Variants in MPHOSPH9 observed in about 807,000 individuals in gnomAD.
The protein encoded by MPHOSPH9 is M-phase phosphoprotein 9.
Under a neutral mutation model 145.5 loss-of-function variants are expected in MPHOSPH9, and 88 were observed. That is an observed-to-expected ratio of 0.60 (90% confidence interval 0.51 to 0.72). MPHOSPH9 has a LOEUF of 0.72. Ranked by LOEUF, MPHOSPH9 falls within the 30% of genes least tolerant of loss-of-function variation. The probability of loss-of-function intolerance (pLI) is 0.00; values close to 1 mark genes in which losing one functional copy is unlikely to be tolerated. For synonymous variants in MPHOSPH9, 435 were observed against 486.2 expected, an observed-to-expected ratio of 0.89 and a Z score of 1.39; for missense variants, 1,238 against 1,386.6, an observed-to-expected ratio of 0.89 and a Z score of 1.70.
At chr12:123,208,792 A>G (rs2046563994) in intron 8 of MPHOSPH9, among the ~76,000 whole-genome samples, 1 of 151,888 alleles carries the variant, frequency 6.6e-6, no homozygotes, top group South Asian at 2.1e-4. Flanking sequence ...CACAGGCTAG[A>G]GTGCAATGGT....
At chr12:123,206,531 T>G (rs7135252) in intron 8 of MPHOSPH9, among the ~76,000 whole-genome samples, 1 of 150,110 alleles carries the variant, frequency 6.7e-6, no homozygotes, top group African/African-American at 2.5e-5. Context: ...AGAGAAGAGA[T>G]GAGAAGAGAA....
chr12:123,199,552 C>T (rs184581621), intron 11 of MPHOSPH9, among the ~76,000 whole-genome samples: 46 of 151,862 alleles, frequency 3.0e-4, no homozygotes, highest in African/African-American at 9.6e-4. Flanking sequence ...AGGCCGAGGC[C>T]GGTGGATCAC....
In MPHOSPH9 at chr12:123,219,031, T is replaced by C. The variant is rs139693284; in HGVS notation, c.873-532A>G. Among the ~76,000 whole-genome samples, 607 of 151,942 alleles carry C rather than the reference T, an allele frequency of 4.0e-3. 8 individuals carry two copies. The highest frequency in any genetic ancestry group is 0.036 in the East Asian group (182 of 5,112). ...GATCCTCCCACCTCAGCCTCCCTAGTAGATGGGACCACAGGTGGCCACCAC... is the reference window on the plus strand; with the variant it reads ...GATCCTCCCACCTCAGCCTCCCTAGCAGATGGGACCACAGGTGGCCACCAC... On this transcript the variant is annotated intron_variant, in intron 5 of 23. Transcript: ENST00000606320.
At chr12:123,175,295 C>T (rs959871609) in intron 16 of MPHOSPH9, among the ~76,000 whole-genome samples, 7 of 152,056 alleles carry the variant, frequency 4.6e-5, no homozygotes, top group Non-Finnish European at 7.4e-5. Context: ...GGACTACAGG[C>T]GCCAGCCACC....
intron 13 of MPHOSPH9, among the ~76,000 whole-genome samples, chr12:123,185,598 C>T (rs2045407565): frequency 6.6e-6 from 1 of 151,908 alleles, no homozygotes; most frequent in Admixed American, 6.6e-5. Flanking sequence ...TAAAATTAGC[C>T]AGGTGTGATA....
intron 23 of MPHOSPH9, among the ~76,000 whole-genome samples, chr12:123,158,020 C>A (rs1363415746): frequency 1.3e-5 from 2 of 151,404 alleles, no homozygotes; most frequent in African/African-American, 4.9e-5. Context: ...GACGGAGTCT[C>A]GCTCTGTTGC....
At chr12:123,231,232 G>C (rs955707357) in intron 1 of MPHOSPH9, among the ~76,000 whole-genome samples, 1 of 152,006 alleles carries the variant, frequency 6.6e-6, no homozygotes, top group Admixed American at 6.6e-5. Context: ...TCAGCCTCCC[G>C]AGCAGCTGGG....
At chr12:123,177,917 A>G (rs564071315) in intron 15 of MPHOSPH9, among the ~76,000 whole-genome samples, 1 of 152,286 alleles carries the variant, frequency 6.6e-6, no homozygotes, top group South Asian at 2.1e-4. Context: ...ATTGCAAACA[A>G]CCTATAGGTA....
chr12:123,165,757 C>T (rs545009202), intron 17 of MPHOSPH9, among the ~76,000 whole-genome samples: 5 of 152,266 alleles, frequency 3.3e-5, no homozygotes, highest in African/African-American at 9.6e-5. Context: ...GAAGAGGGCC[C>T]TCACCAAACA....
At chr12:123,157,639 C>A (rs879340707) in intron 23 of MPHOSPH9, among the ~76,000 whole-genome samples, 15 of 152,046 alleles carry the variant, frequency 9.9e-5, no homozygotes, top group Non-Finnish European at 1.8e-4. Flanking sequence ...CACCACCACA[C>A]CTGGCTGATT....
At chr12:123,160,906 G>C (rs1017872658) in intron 22 of MPHOSPH9, 57 bp from the exon 23 acceptor site, 74 of 1,553,056 alleles carry the variant, frequency 4.8e-5, no homozygotes, top group Non-Finnish European at 5.8e-5. Context: ...TTATCACACA[G>C]AATGGAAAGA....
At chr12:123,223,955 C>T (rs1394486032) in intron 3 of MPHOSPH9, among the ~76,000 whole-genome samples, 1 of 151,006 alleles carries the variant, frequency 6.6e-6, no homozygotes, top group African/African-American at 2.4e-5. Flanking sequence ...TTTTTTGAGA[C>T]GGAGTCTCTC....
At chr12:123,210,300 A>C in intron 7 of MPHOSPH9, 138 bp from the exon 8 acceptor site, 1 of 495,242 alleles carries the variant, frequency 2.0e-6, no homozygotes. Context: ...TTTTGATGGA[A>C]AAAAGTTATC....
intron 16 of MPHOSPH9, among the ~76,000 whole-genome samples, chr12:123,173,689 C>A (rs958986770): frequency 2.0e-5 from 3 of 152,208 alleles, no homozygotes; most frequent in Non-Finnish European, 2.9e-5. Context: ...TGAACAAGAG[C>A]TCATCCACGC....
intron 16 of MPHOSPH9, among the ~76,000 whole-genome samples, chr12:123,168,563 C>T (rs1231626483): frequency 6.6e-6 from 1 of 151,724 alleles, no homozygotes; most frequent in Non-Finnish European, 1.5e-5. Flanking sequence ...AGGATGGTCT[C>T]GATCTCCTGA....
chr12:123,232,532 A>G (rs2047699481), intron 1 of MPHOSPH9, among the ~76,000 whole-genome samples: 1 of 152,196 alleles, frequency 6.6e-6, no homozygotes, highest in Admixed American at 6.5e-5. Context: ...ATGAAAGTTA[A>G]CTGGGCGCTC....
upstream of MPHOSPH9, chr12:123,233,182 C>T (rs1436016308): frequency 6.6e-6 from 1 of 152,070 alleles, no homozygotes; most frequent in Admixed American, 6.6e-5. Flanking sequence ...ATTGGCTGCC[C>T]GGAAGGAGGC....
intron 1 of MPHOSPH9, among the ~76,000 whole-genome samples, chr12:123,243,529 CAAAAA>C (rs55817401): frequency 1.1e-4 from 13 of 117,766 alleles, no homozygotes; most frequent in Admixed American, 2.5e-4. Context: ...GACTCCGTCT[CAAAAA>C]AAAAAAAAAA....
rs954793809 is a variant in MPHOSPH9, at chr12:123,222,959, T to C, written c.348+79A>G. The C allele has an allele frequency of 3.0e-5, 23 of 768,272 alleles. No homozygotes were observed. In the African/African-American group the frequency reaches 5.5e-4, roughly 18 times the overall value. 47.6% of individuals were successfully genotyped at this position (768,272 alleles called of 1,614,324 possible). ...TTCTATATATGTGTGTGTGTATATA[T>C]ATATGTGTGTGTGTGTGTGTGTATA... On this transcript the variant is annotated intron_variant, in intron 4 of 23. Coordinates refer to ENST00000606320, the MANE Select transcript of MPHOSPH9 (RefSeq NM_022782.4).
Sources: allele counts gnomAD v4.1 joint callset (sites outside exome capture counted in the v4.1 genomes callset), GRCh38; gene constraint gnomAD v4.1.1; transcripts MANE v1.5; gene names NCBI Gene and HGNC (gene_info 2026-07-23, HGNC 2026-07-21).